CCND3: variants seen among roughly 807,000 people sequenced by gnomAD.
CCND3 encodes G1/S-specific cyclin-D3.
CCND3 carries 9 observed loss-of-function variants against 28.7 expected under a neutral mutation model. The ratio of observed to expected loss-of-function variants is 0.31; its 90% CI spans 0.19 to 0.55. The LOEUF is 0.55. CCND3 is among the 20% of genes least tolerant of loss of function. The pLI, the probability that CCND3 is intolerant of heterozygous loss-of-function variation, is 0.93. For missense variants in CCND3, 315 were observed against 385.8 expected (o/e 0.82, Z 1.54); for synonymous variants, 164 against 163.9 (o/e 1.00, Z 0.00).
chr6:42,044,806 T>TATTTA (rs1554169110), intron 1 of CCND3, among the ~76,000 whole-genome samples: 1 of 151,688 alleles, frequency 6.6e-6, no homozygotes, highest in African/African-American at 2.4e-5. Context: ...TTTATTTATT[T>TATTTA]GAGACGGAGT....
In CCND3 at chr6:41,936,742, T is replaced by C; in HGVS notation, c.575-47A>G. 5 of 1,592,966 alleles carry C rather than the reference T, an allele frequency of 3.1e-6. No individual in the cohort carries two copies. The highest frequency in any genetic ancestry group is 3.4e-6 in the Non-Finnish European group (4 of 1,165,680). On this transcript the variant is annotated intron_variant, in intron 3 of 4. Transcript: ENST00000372991. This position sits in a 1 kb window ranked among gnomAD's most constrained non-coding sequence, Gnocchi z 4.4. Reference sequence around the variant, plus strand: ...CCATGAGAGAAGGAAACCTGAAGGATAACGGCCAGCATGGACTTCCGACTC... The same window carrying C: ...CCATGAGAGAAGGAAACCTGAAGGACAACGGCCAGCATGGACTTCCGACTC...
chr6:41,960,498 C>T (rs904346290), intron 1 of CCND3, among the ~76,000 whole-genome samples: 45 of 152,108 alleles, frequency 3.0e-4, no homozygotes, highest in African/African-American at 9.7e-4. Context: ...ATTGAGAGCA[C>T]GGGGGCTTTG....
intron 1 of CCND3, among the ~76,000 whole-genome samples, chr6:41,965,668 A>G (rs1426753497): frequency 6.6e-6 from 1 of 152,190 alleles, no homozygotes; most frequent in Non-Finnish European, 1.5e-5. Flanking sequence ...AGCCACGGGA[A>G]AGAGTTAATA....
chr6:42,045,752 A>G lies in CCND3; in HGVS notation c.-46+2749T>C, dbSNP rs1764521828. Among the ~76,000 whole-genome samples the G allele has an allele frequency of 3.3e-5, 5 of 152,264 alleles. No individual in the cohort carries two copies. The South Asian group carries it at 1.0e-3, about 31-fold the overall frequency. ...TAAAATTTAAATGTCTTTGAGAGCAAGATAAACACATCTACTGCTCAGCAG... is the reference window on the plus strand; with the variant it reads ...TAAAATTTAAATGTCTTTGAGAGCAGGATAAACACATCTACTGCTCAGCAG... On this transcript the variant is annotated intron_variant, in intron 1 of 4. Coordinates refer to the CCND3 transcript ENST00000372988.
rs367668084 is a variant in CCND3, at chr6:42,008,823, C to T, written c.-46+39678G>A. Reference sequence around the variant, plus strand: ...TCATGGTGGATCCCTCCCAAGTCACCACTGCCTAACATTCCACAGAATATA... The same window carrying T: ...TCATGGTGGATCCCTCCCAAGTCACTACTGCCTAACATTCCACAGAATATA... On this transcript the variant is annotated intron_variant, in intron 1 of 4. Coordinates refer to the CCND3 transcript ENST00000372988. Among the ~76,000 whole-genome samples the T allele has an allele frequency of 1.6e-4, 25 of 152,252 alleles. No homozygotes were observed. The South Asian group carries it at 5.2e-3, about 32-fold the overall frequency.
At position 41,940,514 on chromosome 6, in the gene CCND3, A is replaced by C; in HGVS notation, c.270T>G (p.Ser90=). The part of the protein sequence containing the change: ...LAMNYLDRYL[S]CVPTRKAQLQ... ...ACTGCGCCTTTCGGGTGGGGACGCA[A>C]GACAGGTAGCGATCCAGGTAGTTCA... The change falls in exon 2 of 5, where the codon TCT becomes TCG. Residue 90 remains serine, a synonymous_variant. Transcript: ENST00000372991. 1.9e-6 allele frequency: 3 copies of C among 1,614,020 alleles called. No homozygotes were observed. The highest frequency in any genetic ancestry group is 2.5e-6 in the Non-Finnish European group (3 of 1,179,990).
At chr6:42,046,620 A>G (rs1052980686) in intron 1 of CCND3, among the ~76,000 whole-genome samples, 14 of 152,170 alleles carry the variant, frequency 9.2e-5, no homozygotes, top group Admixed American at 9.2e-4. Flanking sequence ...AGGGGGAAAC[A>G]TTCATACGTT....
rs147998619 is a variant in CCND3 at position 41,940,419 on chromosome 6, T to A, written c.365A>T (p.Glu122Val). Residue 122 changes from glutamate (E) to valine (V), a missense_variant, in exon 2 of 5, where the codon GAA becomes GTA. Transcript: ENST00000372991. Reference sequence around the variant, plus strand: ...GTGGTCGGTGTAGATGCACAGTTTTTCGATGGTCAGGGGCGTGGTCTCGCG... The same window carrying A: ...GTGGTCGGTGTAGATGCACAGTTTTACGATGGTCAGGGGCGTGGTCTCGCG... ...KLRETTPLTI[E>V]KLCIYTDHAV... 1 of 1,613,608 alleles carries A rather than the reference T, an allele frequency of 6.2e-7. No individual in the cohort carries two copies. The highest frequency in any genetic ancestry group is 1.1e-5 in the South Asian group (1 of 91,054).
chr6:42,031,060 T>C (rs890573807), intron 1 of CCND3, among the ~76,000 whole-genome samples: 2 of 152,114 alleles, frequency 1.3e-5, no homozygotes, highest in African/African-American at 4.8e-5. Flanking sequence ...GTTCCTTATC[T>C]TGGGGCTCAA....
intron 1 of CCND3, among the ~76,000 whole-genome samples, chr6:42,037,544 T>C (rs1764257013): frequency 6.6e-6 from 1 of 151,586 alleles, no homozygotes; most frequent in South Asian, 2.1e-4. Context: ...CAAAAAAAAA[T>C]TACAATGCTT....
Position 42,000,234 on chromosome 6 carries a change from C to CT in CCND3, c.-46+48266dup, listed in dbSNP as rs70987562. ...AGTCTCGTGGAAATTTGAAAACATA[C>CT]TTTTTTTTTTTTTTTTTTTTTTTTT... is the stretch of plus-strand genomic sequence containing the variant. On this transcript the variant is annotated intron_variant, in intron 1 of 4. Coordinates refer to the CCND3 transcript ENST00000372988. Among the ~76,000 whole-genome samples the CT allele has an allele frequency of 1.7e-3, 86 of 51,024 alleles. 26 individuals are homozygous for CT. The highest frequency in any genetic ancestry group is 8.7e-3 in the South Asian group (8 of 918). 33.5% of individuals were successfully genotyped at this position (51,024 alleles called of 152,430 possible).
At chr6:42,030,278 CT>C (rs1417933841) in intron 1 of CCND3, 2 of 152,208 alleles carry the variant, frequency 1.3e-5, no homozygotes, top group Non-Finnish European at 2.9e-5. Context: ...ACAGAAATAT[CT>C]GCTCCTTCTC....
At chr6:41,992,901 TG>T (rs1007940489) in intron 1 of CCND3, among the ~76,000 whole-genome samples, 31 of 152,196 alleles carry the variant, frequency 2.0e-4, no homozygotes, top group Non-Finnish European at 3.4e-4. Context: ...CCTCTGTGCC[TG>T]GCCTTGTTTT....
chr6:41,947,072 T>TTAGC (rs112905494), intron 1 of CCND3, among the ~76,000 whole-genome samples: 5,553 of 151,846 alleles, frequency 0.037, 186 homozygotes, highest in African/African-American at 0.083. Context: ...ACAAAAAAAA[T>TTAGC]TAGCTGGGCA....
At position 42,039,970 on chromosome 6, in the gene CCND3, G is replaced by A. The variant is rs531758757; in HGVS notation, c.-46+8531C>T. 5.9e-5 allele frequency among the ~76,000 whole-genome samples: 9 copies of A among 152,344 alleles called. No individual in the cohort carries two copies. In the South Asian group the frequency reaches 1.4e-3, roughly 25 times the overall value. On this transcript the variant is annotated intron_variant, in intron 1 of 4. Coordinates refer to the CCND3 transcript ENST00000372988. ...ATCTCCGTGCATCCCTGCATGTCAC[G>A]CACACAGGCAGTCAGGGGCCTACCA...
At chr6:41,949,477 C>G (rs1776251746) in intron 1 of CCND3, among the ~76,000 whole-genome samples, 1 of 152,134 alleles carries the variant, frequency 6.6e-6, no homozygotes, top group Non-Finnish European at 1.5e-5. Context: ...TGCACTCCAG[C>G]CCGGGGGACA....
chr6:41,941,777 C>G lies in CCND3; in HGVS notation c.-128G>C. ...CTGCGCGGCGGATCCCCAGCCCGCC[C>G]GCCGCCCGCGCGCGCGCGCCGCTTC... On this transcript the variant is annotated 5_prime_UTR_variant, in exon 1 of 5. Transcript: ENST00000372991. The surrounding 1 kb of genome is among the most constrained non-coding windows in gnomAD (Gnocchi z 6.1). The G allele has an allele frequency of 2.6e-6, 1 of 381,758 alleles. No individual in the cohort carries two copies. The highest frequency in any genetic ancestry group is 7.3e-4 in the Middle Eastern group (1 of 1,378). The allele number at this position is 381,758 out of a possible 1,614,324, so 23.6% of individuals were successfully genotyped here.
intron 1 of CCND3, among the ~76,000 whole-genome samples, chr6:41,998,596 G>A (rs1431792448): frequency 2.0e-5 from 3 of 151,812 alleles, no homozygotes; most frequent in African/African-American, 7.3e-5. Flanking sequence ...CTAAAGTGCT[G>A]GGATTACAGG....
chr6:41,976,029 A>G (rs1327134891), intron 1 of CCND3, among the ~76,000 whole-genome samples: 2 of 151,006 alleles, frequency 1.3e-5, no homozygotes, highest in Admixed American at 6.6e-5. Context: ...ACATACCAAG[A>G]CTCTGTCTCT....
Sources: allele counts gnomAD v4.1 joint callset (sites outside exome capture counted in the v4.1 genomes callset), GRCh38; gene constraint gnomAD v4.1.1; non-coding constraint Gnocchi (gnomAD v3.1); transcripts MANE v1.5; gene names NCBI Gene and HGNC (gene_info 2026-07-23, HGNC 2026-07-21).